The following PTPRA variants were observed in gnomAD, a reference collection of about 807,000 sequenced individuals.
PTPRA encodes the protein protein tyrosine phosphatase receptor type A.
A neutral mutation model predicts 104.8 loss-of-function variants in PTPRA; 25 were observed. That is an observed-to-expected ratio of 0.24 (90% CI 0.17 to 0.33). PTPRA has a LOEUF of 0.33. PTPRA is among the 10% of genes least tolerant of loss of function. The pLI is 1.00. For missense variants in PTPRA, 765 were observed against 1,015.3 expected (o/e 0.75, Z 3.35); for synonymous variants, 323 against 368.9 (o/e 0.88, Z 1.43).
At chr20:2,997,755 C>G (rs1023162060) in intron 9 of PTPRA, among the ~76,000 whole-genome samples, 3 of 152,150 alleles carry the variant, frequency 2.0e-5, no homozygotes, top group Admixed American at 6.5e-5. Context: ...TTTGAAAAAC[C>G]ACTCAGAAGC....
At chr20:2,882,270 C>CT (rs1004621193) in intron 1 of PTPRA, among the ~76,000 whole-genome samples, 9 of 150,144 alleles carry the variant, frequency 6.0e-5, no homozygotes, top group South Asian at 2.1e-4. Flanking sequence ...GCTAGATACT[C>CT]TTTTTTTTCT....
intron 13 of PTPRA, among the ~76,000 whole-genome samples, chr20:3,019,231 G>C (rs112575778): frequency 1.4e-5 from 2 of 145,568 alleles, no homozygotes; most frequent in African/African-American, 5.4e-5. Context: ...TCCCGGACGG[G>C]GCGGCTGGCC....
Position 3,021,936 on chromosome 20 carries a change from C to T in PTPRA, c.1162-118C>T, listed in dbSNP as rs553982366. On this transcript the variant is annotated intron_variant, in intron 14 of 23. Coordinates refer to ENST00000399903, the MANE Select transcript of PTPRA (RefSeq NM_001385305.1). ...ACCTTGTGTCTGTGGTTAACTAACT[C>T]CCCTGGGTACACTTACTTTTCCATT... The T allele has an allele frequency of 8.0e-5, 106 of 1,317,874 alleles. No individual in the cohort carries two copies. In the African/African-American group the frequency reaches 1.4e-3, roughly 17 times the overall value. The allele number at this position is 1,317,874 out of a possible 1,614,324, so 81.6% of individuals were successfully genotyped here.
intron 1 of PTPRA, among the ~76,000 whole-genome samples, chr20:2,878,923 T>A (rs2089897905): frequency 1.3e-5 from 2 of 152,118 alleles, no homozygotes. Flanking sequence ...TGAAGAAAGA[T>A]TTGGTTGATG....
intron 5 of PTPRA, among the ~76,000 whole-genome samples, chr20:2,974,816 C>T (rs1399366523): frequency 2.6e-5 from 4 of 152,204 alleles, no homozygotes; most frequent in Non-Finnish European, 2.9e-5. Flanking sequence ...ATATTTCACT[C>T]GCCTTTGAAA....
At chr20:3,033,118 A>G (rs2065595027) in intron 20 of PTPRA, among the ~76,000 whole-genome samples, 1 of 151,924 alleles carries the variant, frequency 6.6e-6, no homozygotes, top group East Asian at 1.9e-4. Context: ...CTAGCCCTTC[A>G]GGATCTCAGC....
At chr20:3,032,637 A>G (rs932623422) in intron 20 of PTPRA, among the ~76,000 whole-genome samples, 3 of 151,690 alleles carry the variant, frequency 2.0e-5, no homozygotes, top group South Asian at 4.2e-4. Context: ...GCGATGGTGC[A>G]TGCCTGTGAT....
intron 3 of PTPRA, among the ~76,000 whole-genome samples, chr20:2,962,117 AT>A: frequency 6.6e-6 from 1 of 152,338 alleles, no homozygotes; most frequent in South Asian, 2.1e-4. Flanking sequence ...GCATTTTTAT[AT>A]TCACAAAATA....
At chr20:2,884,422 C>T (rs2090252086) in intron 1 of PTPRA, among the ~76,000 whole-genome samples, 1 of 152,172 alleles carries the variant, frequency 6.6e-6, no homozygotes. Context: ...CCCAATGTCT[C>T]CCATCTTTGC....
In PTPRA at chr20:2,965,104, C is replaced by T. The variant is rs138944640; in HGVS notation, c.317C>T (p.Thr106Met). 30 of 1,614,102 alleles carry T rather than the reference C, an allele frequency of 1.9e-5. No homozygotes were observed. Among genetic ancestry groups the T allele is most frequent in the Admixed American group, 1.0e-4 (6 of 60,006 alleles). ...GGCATTACAATTTCACCAAATGGAA[C>T]GTGGCTTCCAGATAACCAGTTCACG... ...SIGITISPNG[T>M]WLPDNQFTDA... Residue 106 changes from threonine (T) to methionine (M), a missense_variant, in exon 5 of 24, where the codon ACG becomes ATG. By Grantham distance (81) the Thr-to-Met change is moderately conservative (BLOSUM62 -1). Transcript: ENST00000399903.
intron 20 of PTPRA, among the ~76,000 whole-genome samples, chr20:3,030,597 A>G (rs1274401261): frequency 6.6e-6 from 1 of 151,906 alleles, no homozygotes; most frequent in Admixed American, 6.6e-5. Flanking sequence ...AGAGAAAAAA[A>G]TTCGATCCCA....
chr20:2,956,661 A>T (rs1409306542), intron 3 of PTPRA, among the ~76,000 whole-genome samples: 5 of 150,342 alleles, frequency 3.3e-5, no homozygotes, highest in African/African-American at 1.2e-4. Flanking sequence ...TCAGTAAATA[A>T]AAATAAATAA....
chr20:2,899,190 G>A (rs2059133616), intron 1 of PTPRA, among the ~76,000 whole-genome samples: 1 of 152,264 alleles, frequency 6.6e-6, no homozygotes, highest in South Asian at 2.1e-4. Flanking sequence ...ACAAAAAGTA[G>A]CCAGGCGTGG....
intron 9 of PTPRA, among the ~76,000 whole-genome samples, chr20:3,001,067 C>T (rs1409444597): frequency 6.6e-6 from 1 of 152,136 alleles, no homozygotes; most frequent in African/African-American, 2.4e-5. Context: ...CCAGTTAAGG[C>T]TTAAACAAGA....
At chr20:2,898,371 C>T (rs1308384697) in intron 1 of PTPRA, among the ~76,000 whole-genome samples, 17 of 151,714 alleles carry the variant, frequency 1.1e-4, no homozygotes, top group African/African-American at 3.9e-4. Flanking sequence ...TGAGCCACCG[C>T]GCCTGGCAAT....
At chr20:2,900,945 A>G (rs1397612145) in intron 1 of PTPRA, among the ~76,000 whole-genome samples, 4 of 150,686 alleles carry the variant, frequency 2.7e-5, no homozygotes, top group African/African-American at 2.4e-5. Flanking sequence ...GACATCATTC[A>G]GTTGGAGCTA....
At chr20:3,017,250 C>A (rs1455227796) in intron 12 of PTPRA, among the ~76,000 whole-genome samples, 1 of 152,188 alleles carries the variant, frequency 6.6e-6, no homozygotes, top group African/African-American at 2.4e-5. Flanking sequence ...GCAGAGTTAT[C>A]ATTCTAAGAC....
upstream of PTPRA, among the ~76,000 whole-genome samples, chr20:2,871,966 C>T (rs1188261505): frequency 6.6e-6 from 1 of 152,248 alleles, no homozygotes; most frequent in Non-Finnish European, 1.5e-5. Flanking sequence ...AGGGGACGGC[C>T]TGAGGCCCGC....
chr20:2,910,228 T>A (rs1351770195), intron 1 of PTPRA, among the ~76,000 whole-genome samples: 4 of 93,986 alleles, frequency 4.3e-5, no homozygotes, highest in Non-Finnish European at 8.2e-5. Context: ...ATATATAATA[T>A]GTATTGTATA....
Sources: gnomAD v4.1 joint callset for allele counts (sites outside exome capture counted in the v4.1 genomes callset) on GRCh38, gnomAD v4.1.1 for gene constraint, MANE v1.5 for transcripts, NCBI Gene and HGNC (gene_info 2026-07-23, HGNC 2026-07-21) for gene names.